The following TTC28 variants were observed in gnomAD, a reference collection of about 807,000 sequenced individuals.
The protein encoded by TTC28 is tetratricopeptide repeat domain 28, also known as tetratricopeptide repeat protein 28.
In TTC28, 61 loss-of-function variants were observed where a neutral mutation model predicts 198.0. The ratio of observed to expected loss-of-function variants is 0.31; its 90% CI spans 0.25 to 0.38. The LOEUF (loss-of-function observed/expected upper bound fraction) is 0.38, where lower values mean the gene tolerates loss of function less well. Ranked by LOEUF, TTC28 falls within the 10% of genes least tolerant of loss-of-function variation. The pLI is 1.00. For synonymous variants in TTC28, 1,171 were observed against 1,297.8 expected, an observed-to-expected ratio of 0.90 and a Z score of 2.10; for missense variants, 2,678 against 3,164.0, an observed-to-expected ratio of 0.85 and a Z score of 3.69.
chr22:28,679,228 G>C (rs895913119), intron 1 of TTC28, among the ~76,000 whole-genome samples: 15 of 152,210 alleles, frequency 9.9e-5, no homozygotes, highest in Non-Finnish European at 1.5e-4. Flanking sequence ...AGCATCCCGG[G>C]CTGCGCCGAC....
At chr22:28,396,344 G>A (rs547479863) in intron 2 of TTC28, among the ~76,000 whole-genome samples, 1 of 152,294 alleles carries the variant, frequency 6.6e-6, no homozygotes, top group African/African-American at 2.4e-5. Flanking sequence ...CTGACAACTG[G>A]TAGTAAAAGC....
chr22:28,551,573 ATATG>A, intron 2 of TTC28, among the ~76,000 whole-genome samples: 1 of 152,364 alleles, frequency 6.6e-6, no homozygotes, highest in South Asian at 2.1e-4. Flanking sequence ...ATGGTTTAAC[ATATG>A]TAAGTCAATA....
At chr22:28,210,693 G>C (rs1051146996) in intron 5 of TTC28, among the ~76,000 whole-genome samples, 1 of 152,126 alleles carries the variant, frequency 6.6e-6, no homozygotes, top group African/African-American at 2.4e-5. Context: ...GGGGAGAATG[G>C]AACCAAGTTG....
chr22:28,172,739 T>C (rs1922805538), intron 5 of TTC28, among the ~76,000 whole-genome samples: 1 of 152,110 alleles, frequency 6.6e-6, no homozygotes, highest in African/African-American at 2.4e-5. Context: ...AGTCCGTATC[T>C]CTAGAAAGGA....
At chr22:27,993,602 G>A (rs949731514) in intron 17 of TTC28, 84 bp from the exon 18 acceptor site, 3 of 1,375,958 alleles carry the variant, frequency 2.2e-6, no homozygotes, top group Non-Finnish European at 2.9e-6. Context: ...CAAAGCCCCA[G>A]GGTGAAGCCA....
chr22:28,070,557 G>A (rs550457992), intron 12 of TTC28, among the ~76,000 whole-genome samples: 1 of 152,236 alleles, frequency 6.6e-6, no homozygotes, highest in South Asian at 2.1e-4. Flanking sequence ...CAAGATGGGT[G>A]GATCACCTGA....
At chr22:28,442,633 C>G (rs1328451185) in intron 2 of TTC28, among the ~76,000 whole-genome samples, 2 of 152,226 alleles carry the variant, frequency 1.3e-5, no homozygotes, top group Non-Finnish European at 2.9e-5. Context: ...CTAAAGCAAA[C>G]GGGTGCTTCC....
chr22:28,107,725 A>G lies in TTC28; in HGVS notation c.2120T>C (p.Leu707Pro). 1 of 1,551,852 alleles carries G rather than the reference A, an allele frequency of 6.4e-7. No individual in the cohort carries two copies. The highest frequency in any genetic ancestry group is 8.7e-7 in the Non-Finnish European group (1 of 1,147,002). ...TCGAAATTTAGCCTGGGAATTATTC[A>G]GAGACTGGGCTAGGGACAGTAGGTA... ...QKYLLSLAQS[L>P]NNSQAKFRAL... Residue 707 changes from leucine (L) to proline (P), a missense_variant, in exon 7 of 23, where the codon CTG (leucine) becomes CCG (proline). Leu to Pro is a moderately conservative substitution (Grantham distance 98, BLOSUM62 -3). Around this residue, in one of 8 missense-constraint regions of TTC28, gnomAD observed 775 missense variants for 845.9 expected, o/e 0.92. Coordinates refer to ENST00000397906, the MANE Select transcript of TTC28 (RefSeq NM_001145418.2).
chr22:28,039,579 T>A (rs1939524930), intron 12 of TTC28, among the ~76,000 whole-genome samples: 1 of 151,870 alleles, frequency 6.6e-6, no homozygotes, highest in Admixed American at 6.6e-5. Context: ...AAATGACGAG[T>A]TAATGGGTGC....
Position 28,245,228 on chromosome 22 carries a change from T to G in TTC28, c.933+50970A>C, listed in dbSNP as rs1390044956. Among the ~76,000 whole-genome samples, 3 of 152,182 alleles carry G rather than the reference T, an allele frequency of 2.0e-5. No individual in the cohort carries two copies. The South Asian group carries it at 6.2e-4, about 31-fold the overall frequency. ...TTTTATTTAACGGATGCATGAAAAT[T>G]GAATAACTATCTTAACAGTTTCTCA... is the stretch of plus-strand genomic sequence containing the variant. On this transcript the variant is annotated intron_variant, in intron 5 of 22. Transcript: ENST00000397906.
intron 6 of TTC28, among the ~76,000 whole-genome samples, chr22:28,137,892 G>A (rs1303383577): frequency 6.6e-6 from 1 of 152,132 alleles, no homozygotes; most frequent in Non-Finnish European, 1.5e-5. Context: ...GTGGGCACCT[G>A]TAATCCCAGC....
intron 2 of TTC28, among the ~76,000 whole-genome samples, chr22:28,593,457 A>ATAGGTAGGTAGCTAGG (rs1039644775): frequency 2.7e-5 from 4 of 145,706 alleles, no homozygotes; most frequent in Admixed American, 1.4e-4. Context: ...AGATAGGTAG[A>ATAGGTAGGTAGCTAGG]TAGGTAGGTA....
intron 9 of TTC28, among the ~76,000 whole-genome samples, chr22:28,100,243 C>T (rs1471278438): frequency 6.6e-6 from 1 of 152,138 alleles, no homozygotes; most frequent in African/African-American, 2.4e-5. Context: ...ACCCGGAGAG[C>T]GCTAAGAGAA....
Position 28,163,375 on chromosome 22 carries a change from G to C in TTC28, c.1158C>G (p.Asp386Glu), listed in dbSNP as rs1367585314. The stretch of plus-strand genomic sequence containing the variant: ...GGGCCTCTTCTCGCTTGTTCCCCAG[G>C]TCCTTGGCTATCTTCAGATGCTGCT... ...CHEQHLKIAK[D>E]LGNKREEARA... The change falls in exon 6 of 23, where the codon GAC becomes GAG. Residue 386 changes from aspartate to glutamate, a missense_variant. By Grantham distance (45) the Asp-to-Glu change is conservative. Coordinates refer to ENST00000397906, the MANE Select transcript of TTC28 (RefSeq NM_001145418.2). 6.4e-7 allele frequency: 1 copy of C among 1,551,980 alleles called. No individual in the cohort carries two copies. The highest frequency in any genetic ancestry group is 2.4e-5 in the East Asian group (1 of 40,918).
At chr22:28,517,545 C>A (rs896621672) in intron 2 of TTC28, among the ~76,000 whole-genome samples, 8 of 152,136 alleles carry the variant, frequency 5.3e-5, no homozygotes, top group African/African-American at 1.7e-4. Context: ...AAACTCTAGG[C>A]AGATCCTAGG....
intron 21 of TTC28, among the ~76,000 whole-genome samples, chr22:27,989,307 TTG>T (rs1411697415): frequency 6.6e-6 from 1 of 152,246 alleles, no homozygotes; most frequent in Non-Finnish European, 1.5e-5. Context: ...TGAGTACCCG[TTG>T]ACAGAGGACA....
chr22:28,590,260 T>C (rs1569044257), intron 2 of TTC28, among the ~76,000 whole-genome samples: 4 of 151,224 alleles, frequency 2.6e-5, no homozygotes, highest in Non-Finnish European at 4.4e-5. Flanking sequence ...CCTGAGTAGC[T>C]GGGACTACAG....
intron 2 of TTC28, among the ~76,000 whole-genome samples, chr22:28,340,251 C>G (rs1400821577): frequency 1.3e-5 from 2 of 152,080 alleles, no homozygotes; most frequent in Non-Finnish European, 2.9e-5. Context: ...TAAGTGACCT[C>G]TTAAGGTGCT....
At chr22:28,660,516 A>ATTTGG (rs565477296) in intron 1 of TTC28, among the ~76,000 whole-genome samples, 15 of 149,862 alleles carry the variant, frequency 1.0e-4, no homozygotes, top group Admixed American at 6.7e-4. Context: ...TTTTGTTTTG[A>ATTTGG]TTTGGTTTGG....
Sources: allele counts gnomAD v4.1 joint callset (sites outside exome capture counted in the v4.1 genomes callset), GRCh38; gene constraint gnomAD v4.1.1; regional missense constraint gnomAD v4.1.1; transcripts MANE v1.5; gene names NCBI Gene and HGNC (gene_info 2026-07-23, HGNC 2026-07-21).